PABPC4L: variants seen among roughly 807,000 people sequenced by gnomAD.
PABPC4L encodes the protein poly(A) binding protein cytoplasmic 4 like, also known as polyadenylate-binding protein 4-like.
For synonymous variants in PABPC4L, 169 were observed against 164.1 expected (o/e 1.03, Z -0.23); for missense variants, 452 against 451.4 (o/e 1.00, Z -0.01).
chr4:134,178,796 T>C, the PABPC4L span, among the ~76,000 whole-genome samples: 1 of 151,948 alleles, frequency 6.6e-6, no homozygotes, highest in Admixed American at 6.6e-5. Flanking sequence ...GAAAAGAATT[T>C]CAGAGCTTGA....
the PABPC4L span, among the ~76,000 whole-genome samples, chr4:134,175,552 G>T: frequency 0.014 from 2,096 of 152,016 alleles, 71 homozygotes; most frequent in Admixed American, 0.076. Flanking sequence ...GAGTTCAAGC[G>T]ATTCTCCTGC....
At chr4:133,963,126 TTAAAA>T in the PABPC4L span, among the ~76,000 whole-genome samples, 1 of 151,936 alleles carries the variant, frequency 6.6e-6, no homozygotes, top group Non-Finnish European at 1.5e-5. Flanking sequence ...TCACATAAAC[TTAAAA>T]TAAAAGAATG....
At chr4:133,953,462 T>C in the PABPC4L span, among the ~76,000 whole-genome samples, 3 of 152,198 alleles carry the variant, frequency 2.0e-5, no homozygotes, top group East Asian at 5.8e-4. Context: ...TCAGGCCAGC[T>C]TTTAGTTACA....
chr4:134,166,656 A>G, the PABPC4L span, among the ~76,000 whole-genome samples: 1 of 152,142 alleles, frequency 6.6e-6, no homozygotes, highest in African/African-American at 2.4e-5. Context: ...TTTCTGGAGG[A>G]TCAAACAGAG....
At chr4:134,138,682 T>C in the PABPC4L span, among the ~76,000 whole-genome samples, 1 of 151,866 alleles carries the variant, frequency 6.6e-6, no homozygotes, top group Non-Finnish European at 1.5e-5. Flanking sequence ...TTTGAAATTA[T>C]AAAGCTACAT....
chr4:134,044,421 G>T, the PABPC4L span, among the ~76,000 whole-genome samples: 4 of 151,902 alleles, frequency 2.6e-5, no homozygotes, highest in Non-Finnish European at 4.4e-5. Flanking sequence ...CCGCCACCAC[G>T]CCTGGCTAAT....
At chr4:134,072,997 G>T in the PABPC4L span, among the ~76,000 whole-genome samples, 3 of 152,094 alleles carry the variant, frequency 2.0e-5, no homozygotes, top group African/African-American at 7.2e-5. Context: ...TGAGATTTCG[G>T]TGGGGACACA....
chr4:133,988,112 T>C, the PABPC4L span, among the ~76,000 whole-genome samples: 1 of 152,136 alleles, frequency 6.6e-6, no homozygotes, highest in Admixed American at 6.5e-5. Flanking sequence ...GTCCCTCCCA[T>C]GACATGTTGT....
chr4:133,957,854 C>A, the PABPC4L span, among the ~76,000 whole-genome samples: 1 of 152,214 alleles, frequency 6.6e-6, no homozygotes, highest in Non-Finnish European at 1.5e-5. Context: ...CCCTTTTAGC[C>A]ATGGCTGGAG....
the PABPC4L span, among the ~76,000 whole-genome samples, chr4:133,977,064 T>G: frequency 6.6e-6 from 1 of 152,186 alleles, no homozygotes; most frequent in Non-Finnish European, 1.5e-5. Context: ...ATTTAAGTAT[T>G]TAATCCATCT....
the PABPC4L span, among the ~76,000 whole-genome samples, chr4:134,124,179 G>GT: frequency 1.6e-4 from 25 of 152,104 alleles, no homozygotes; most frequent in African/African-American, 6.0e-4. Flanking sequence ...TGCAAATTGG[G>GT]TTTTTTGTCA....
the PABPC4L span, among the ~76,000 whole-genome samples, chr4:134,054,252 G>GTATATATATATATA: frequency 9.6e-5 from 9 of 93,770 alleles, no homozygotes; most frequent in East Asian, 5.2e-4. Context: ...AGTTGTATAT[G>GTATATATATATATA]TATATATATA....
the PABPC4L span, among the ~76,000 whole-genome samples, chr4:133,984,688 A>G: frequency 6.6e-6 from 1 of 152,020 alleles, no homozygotes; most frequent in African/African-American, 2.4e-5. Context: ...TGGGTACAAT[A>G]GATCATGTAA....
At chr4:134,154,355 C>T in the PABPC4L span, among the ~76,000 whole-genome samples, 1 of 151,934 alleles carries the variant, frequency 6.6e-6, no homozygotes, top group East Asian at 1.9e-4. Flanking sequence ...ACTTGGGAGG[C>T]TGAGGCACGA....
At chr4:133,971,314 T>C in the PABPC4L span, among the ~76,000 whole-genome samples, 1 of 151,890 alleles carries the variant, frequency 6.6e-6, no homozygotes, top group Non-Finnish European at 1.5e-5. Context: ...GGTTTCACCA[T>C]GTTAGCCAGG....
downstream of PABPC4L, among the ~76,000 whole-genome samples, chr4:134,195,718 AT>A (rs1729634456): frequency 6.6e-6 from 1 of 151,654 alleles, no homozygotes; most frequent in Non-Finnish European, 1.5e-5. Context: ...GGCAACTACA[AT>A]TTAGTTCAGA....
At chr4:134,166,582 G>A in the PABPC4L span, among the ~76,000 whole-genome samples, 1 of 152,160 alleles carries the variant, frequency 6.6e-6, no homozygotes, top group Non-Finnish European at 1.5e-5. Context: ...GGCCCTCTGA[G>A]GGTTACAGGG....
At chr4:134,118,380 G>T in the PABPC4L span, among the ~76,000 whole-genome samples, 1 of 151,716 alleles carries the variant, frequency 6.6e-6, no homozygotes, top group African/African-American at 2.4e-5. Context: ...CATTTTCATG[G>T]TTACATAGGC....
chr4:134,070,623 A>G, the PABPC4L span, among the ~76,000 whole-genome samples: 1 of 151,932 alleles, frequency 6.6e-6, no homozygotes, highest in South Asian at 2.1e-4. Context: ...GCCCACCCAG[A>G]CACTGGCAAA....
Sources: allele counts gnomAD v4.1 joint callset (sites outside exome capture counted in the v4.1 genomes callset), GRCh38; gene constraint gnomAD v4.1.1; transcripts MANE v1.5; gene names NCBI Gene and HGNC (gene_info 2026-07-23, HGNC 2026-07-21).